The following SLC25A13 variants were observed in gnomAD, a reference collection of about 807,000 sequenced individuals.
SLC25A13 encodes solute carrier family 25 member 13, also known as electrogenic aspartate/glutamate antiporter SLC25A13, mitochondrial.
SLC25A13 carries 70 observed loss-of-function variants against 85.5 expected under a neutral mutation model. The observed-to-expected ratio is 0.82, with a 90% CI of 0.68 to 1.00. SLC25A13 has a LOEUF of 1.00. Ranked by LOEUF, SLC25A13 falls within the 50% of genes least tolerant of loss-of-function variation. SLC25A13 has a pLI of 0.00. For synonymous variants in SLC25A13, 259 were observed against 288.7 expected (o/e 0.90, Z 1.04); for missense variants, 765 against 819.8 (o/e 0.93, Z 0.82).
At chr7:96,304,775 C>G (rs1799681057) in intron 1 of SLC25A13, among the ~76,000 whole-genome samples, 1 of 152,194 alleles carries the variant, frequency 6.6e-6, no homozygotes, top group Admixed American at 6.5e-5. Flanking sequence ...GGGAAAGCTG[C>G]AGTGTACTAG....
Position 96,146,536 on chromosome 7 carries a change from T to C in SLC25A13, c.1452+20A>G. On this transcript the variant is annotated intron_variant, in intron 14 of 17. Coordinates refer to ENST00000265631, the MANE Select transcript of SLC25A13 (RefSeq NM_014251.3). ...ATGAGAAAGTAATCAAATAAATGAC[T>C]AAAAAAAAAAAAAAGTTACCTTGTA... is the stretch of plus-strand genomic sequence containing the variant. The C allele has an allele frequency of 7.2e-7, 1 of 1,386,004 alleles. No homozygotes were observed. Among genetic ancestry groups the C allele is most frequent in the Non-Finnish European group, 1.0e-6 (1 of 1,004,690 alleles). 85.9% of individuals were successfully genotyped at this position (1,386,004 alleles called of 1,614,324 possible).
chr7:96,211,908 A>T (rs1223356745), intron 4 of SLC25A13, among the ~76,000 whole-genome samples: 1 of 152,176 alleles, frequency 6.6e-6, no homozygotes, highest in Non-Finnish European at 1.5e-5. Flanking sequence ...TTTAGCCAGC[A>T]CTCCAGGTTT....
intron 4 of SLC25A13, among the ~76,000 whole-genome samples, chr7:96,210,722 G>A (rs1795658069): frequency 6.6e-6 from 1 of 152,008 alleles, no homozygotes; most frequent in Non-Finnish European, 1.5e-5. Context: ...TAATCTAGAT[G>A]AATAAATTAT....
intron 4 of SLC25A13, among the ~76,000 whole-genome samples, chr7:96,217,245 G>C (rs918288857): frequency 1.3e-5 from 2 of 152,170 alleles, no homozygotes; most frequent in African/African-American, 4.8e-5. Flanking sequence ...GTGAGGATGT[G>C]AAGGAACTGC....
rs113104352 is a variant in SLC25A13 at position 96,201,367 on chromosome 7, T to C, written c.468+7471A>G. ...TCTACTAAAAATACAAAAAATTAGC[T>C]GGGCATGGGGTTGGGCAGCCTGTAA... is the stretch of plus-strand genomic sequence containing the variant. On this transcript the variant is annotated intron_variant, in intron 5 of 17. Transcript: ENST00000265631. Among the ~76,000 whole-genome samples, 10 of 151,856 alleles carry C rather than the reference T, an allele frequency of 6.6e-5. 1 individual carries two copies. Among genetic ancestry groups the C allele is most frequent in the African/African-American group, 1.9e-4 (8 of 41,424 alleles).
At chr7:96,319,090 AT>A (rs1345774377) in intron 1 of SLC25A13, among the ~76,000 whole-genome samples, 1 of 152,242 alleles carries the variant, frequency 6.6e-6, no homozygotes, top group Non-Finnish European at 1.5e-5. Flanking sequence ...CATTCTTGGA[AT>A]AAGTTAGACC....
Position 96,234,865 on chromosome 7 carries a change from CA to C in SLC25A13, c.264del (p.Asp89MetfsTer6). On this transcript the variant is annotated frameshift_variant, in exon 4 of 18. Coordinates refer to ENST00000265631, the MANE Select transcript of SLC25A13 (RefSeq NM_014251.3). LOFTEE classifies it high-confidence loss of function. ...TGAAAGGCTACCATAAACAAAGCAT[CA>C]GGGGCACACAGGACAGATTCAAAGG... ...FVAFESVLCA[P>X]DALFMVAFQL... The C allele has an allele frequency of 1.2e-6, 2 of 1,613,902 alleles. No individual in the cohort carries two copies. The highest frequency in any genetic ancestry group is 1.7e-6 in the Non-Finnish European group (2 of 1,179,864).
intron 15 of SLC25A13, 91 bp from the exon 16 acceptor site, chr7:96,122,088 G>A (rs1791537388): frequency 6.5e-7 from 1 of 1,549,730 alleles, no homozygotes; most frequent in East Asian, 2.2e-5. Flanking sequence ...TGGAAAGAAA[G>A]TTAAAAATCC....
intron 2 of SLC25A13, among the ~76,000 whole-genome samples, chr7:96,285,313 G>A (rs1014406724): frequency 1.1e-4 from 16 of 151,980 alleles, no homozygotes; most frequent in African/African-American, 2.7e-4. Context: ...CCATCTCCTC[G>A]TCAAAAAACC....
intron 13 of SLC25A13, among the ~76,000 whole-genome samples, chr7:96,156,727 A>C (rs1379345384): frequency 1.3e-5 from 2 of 152,070 alleles, no homozygotes; most frequent in East Asian, 3.9e-4. Context: ...TTGTATTTTT[A>C]GTAGAGACAG....
chr7:96,261,137 A>T (rs1005752431), intron 3 of SLC25A13, among the ~76,000 whole-genome samples: 1 of 152,102 alleles, frequency 6.6e-6, no homozygotes, highest in African/African-American at 2.4e-5. Flanking sequence ...AGGGTCTCCC[A>T]TGGCTTACTC....
chr7:96,132,815 C>G (rs1792090460), intron 14 of SLC25A13, among the ~76,000 whole-genome samples: 1 of 152,156 alleles, frequency 6.6e-6, no homozygotes, highest in East Asian at 1.9e-4. Flanking sequence ...GTCAACAGAT[C>G]TAGCCACACC....
At chr7:96,149,656 C>T (rs1792947734) in intron 13 of SLC25A13, among the ~76,000 whole-genome samples, 1 of 152,140 alleles carries the variant, frequency 6.6e-6, no homozygotes, top group African/African-American at 2.4e-5. Context: ...TGTAAAGGTG[C>T]TGAAGATGAA....
At chr7:96,280,536 C>T (rs756687413) in intron 2 of SLC25A13, among the ~76,000 whole-genome samples, 2 of 151,804 alleles carry the variant, frequency 1.3e-5, no homozygotes, top group Non-Finnish European at 2.9e-5. Flanking sequence ...GGCAAGATGG[C>T]GGAACTCCAT....
intron 4 of SLC25A13, among the ~76,000 whole-genome samples, chr7:96,232,311 T>C (rs1003097737): frequency 2.6e-5 from 4 of 151,026 alleles, no homozygotes; most frequent in Non-Finnish European, 5.9e-5. Flanking sequence ...CTGGAGGCCA[T>C]TATCCTTAGC....
intron 11 of SLC25A13, among the ~76,000 whole-genome samples, chr7:96,182,075 T>C (rs1262854168): frequency 6.6e-6 from 1 of 152,206 alleles, no homozygotes; most frequent in Non-Finnish European, 1.5e-5. Context: ...TGATCTCTCT[T>C]ACCCAATAAG....
At chr7:96,288,428 C>A (rs765386834) in intron 2 of SLC25A13, among the ~76,000 whole-genome samples, 7 of 152,182 alleles carry the variant, frequency 4.6e-5, no homozygotes, top group Non-Finnish European at 8.8e-5. Flanking sequence ...GGGGGCAGGA[C>A]AGTGGGTGCA....
chr7:96,193,335 T>C, intron 5 of SLC25A13, 152 bp from the exon 6 acceptor site: 1 of 922,268 alleles, frequency 1.1e-6, no homozygotes, highest in Non-Finnish European at 1.6e-6. Flanking sequence ...CAAGCTACTG[T>C]CTCCTTCCAA....
chr7:96,266,441 A>G (rs566719726), intron 3 of SLC25A13, among the ~76,000 whole-genome samples: 1 of 152,172 alleles, frequency 6.6e-6, no homozygotes, highest in Non-Finnish European at 1.5e-5. Context: ...TTTTCCCTCC[A>G]GTTATGGCCT....
Sources: gnomAD v4.1 joint callset for allele counts (sites outside exome capture counted in the v4.1 genomes callset) on GRCh38, gnomAD v4.1.1 for gene constraint, MANE v1.5 for transcripts, NCBI Gene and HGNC (gene_info 2026-07-23, HGNC 2026-07-21) for gene names.